Variants in IFNAR1 observed in about 807,000 individuals in gnomAD.
The protein encoded by IFNAR1 is interferon alpha/beta receptor 1.
In IFNAR1, 47 loss-of-function variants were observed where a neutral mutation model predicts 62.1. That is an observed-to-expected ratio of 0.76 (90% CI 0.60 to 0.97). The LOEUF (loss-of-function observed/expected upper bound fraction) is 0.97. Ranked by LOEUF, IFNAR1 falls within the 50% of genes least tolerant of loss-of-function variation. The pLI, the probability that IFNAR1 is intolerant of heterozygous loss-of-function variation, is 0.00. For synonymous variants in IFNAR1, 219 were observed against 226.9 expected (o/e 0.97, Z 0.31); for missense variants, 638 against 654.5 (o/e 0.97, Z 0.27).
rs1302422150 is a variant in IFNAR1, at chr21:33,355,944, A to G, written c.*395A>G. On this transcript the variant is annotated 3_prime_UTR_variant, in exon 11 of 11. Transcript: ENST00000270139. ...GGCAGGAGAATCGCTTGAAAACAGG[A>G]GGTGGAGGTTGCAGTGAGCCGAGAT... The G allele has an allele frequency of 6.5e-6, 1 of 153,610 alleles. No individual in the cohort carries two copies. The highest frequency in any genetic ancestry group is 1.4e-5 in the Non-Finnish European group (1 of 69,076). The allele number at this position is 153,610 out of a possible 1,614,324, so 9.5% of individuals were successfully genotyped here. A position where few individuals can be genotyped will look rare whatever the true frequency, so the allele number is the denominator to read the frequency against.
intron 9 of IFNAR1, 37 bp downstream of exon 9, chr21:33,352,945 T>C (rs373344416): frequency 1.3e-6 from 2 of 1,482,164 alleles, no homozygotes; most frequent in Non-Finnish European, 1.8e-6. Context: ...AAAATGTAGC[T>C]AGACATAATA....
chr21:33,335,584 T>G lies in IFNAR1; in HGVS notation c.137T>G (p.Ile46Ser). ...GTCGACATCATAGATGACAACTTTATCCTGAGGTGGAACAGGAGCGATGAG... is the reference window on the plus strand; with the variant it reads ...GTCGACATCATAGATGACAACTTTAGCCTGAGGTGGAACAGGAGCGATGAG... ...VEVDIIDDNF[I>S]LRWNRSDESV... is the part of the protein sequence containing the mutation. The change falls in exon 2 of 11, where the codon ATC becomes AGC. Residue 46 changes from isoleucine (I) to serine (S), a missense_variant. Physicochemically the swap from Ile to Ser is moderately radical, Grantham distance 142. Transcript: ENST00000270139. 1 of 1,608,792 alleles carries G rather than the reference T, an allele frequency of 6.2e-7. No individual in the cohort carries two copies. Among genetic ancestry groups the G allele is most frequent in the Non-Finnish European group, 8.5e-7 (1 of 1,177,390 alleles).
chr21:33,343,745 A>G, intron 5 of IFNAR1, 69 bp downstream of exon 5: 1 of 1,054,910 alleles, frequency 9.5e-7, no homozygotes, highest in Non-Finnish European at 1.4e-6. Context: ...CATCTTCCCC[A>G]TATTGCTGAA....
intron 1 of IFNAR1, among the ~76,000 whole-genome samples, chr21:33,332,781 T>A (rs924388087): frequency 1.3e-5 from 2 of 152,098 alleles, no homozygotes; most frequent in Non-Finnish European, 2.9e-5. Flanking sequence ...GAAGAAAGAA[T>A]CTCTGAACTT....
intron 1 of IFNAR1, among the ~76,000 whole-genome samples, chr21:33,331,182 C>CCCCACT (rs1230382557): frequency 6.6e-6 from 1 of 152,232 alleles, no homozygotes; most frequent in African/African-American, 2.4e-5. Flanking sequence ...CCTACTCCTA[C>CCCCACT]CCCACTGCCC....
chr21:33,349,432 T>C lies in IFNAR1; in HGVS notation c.1032T>C (p.Asp344=), dbSNP rs755054544. ...PPVFNIRSLS[D]SFHIYIGAPK... ...TCTTTAACATTAGATCCCTTAGTGA[T>C]TCATTCCATATCTATATCGGTGCTC... The change falls in exon 8 of 11, where the codon GAT becomes GAC. Residue 344 remains aspartate, a synonymous_variant. Transcript: ENST00000270139. 1 of 1,611,292 alleles carries C rather than the reference T, an allele frequency of 6.2e-7. No homozygotes were observed. Among genetic ancestry groups the C allele is most frequent in the South Asian group, 1.1e-5 (1 of 90,550 alleles).
intron 5 of IFNAR1, among the ~76,000 whole-genome samples, chr21:33,343,882 G>C (rs1426414874): frequency 6.6e-6 from 1 of 152,230 alleles, no homozygotes; most frequent in African/African-American, 2.4e-5. Flanking sequence ...CAGGCTGGGC[G>C]TAGTGGCCCA....
intron 2 of IFNAR1, among the ~76,000 whole-genome samples, chr21:33,337,726 TAC>T (rs1474472379): frequency 1.3e-5 from 2 of 152,122 alleles, no homozygotes; most frequent in African/African-American, 4.8e-5. Flanking sequence ...TACATACATA[TAC>T]ACACATTGTG....
At chr21:33,343,169 G>A in intron 3 of IFNAR1, 99 bp from the exon 4 acceptor site, 1 of 914,970 alleles carries the variant, frequency 1.1e-6, no homozygotes, top group Non-Finnish European at 1.7e-6. Context: ...ACTCCCAGAA[G>A]TGGCAGGCAC....
chr21:33,346,085 C>A (rs2083342798), intron 6 of IFNAR1, among the ~76,000 whole-genome samples: 1 of 152,130 alleles, frequency 6.6e-6, no homozygotes, highest in African/African-American at 2.4e-5. Context: ...CATAGTGAGA[C>A]CCCCATCTCT....
chr21:33,332,220 A>G (rs1228263005), intron 1 of IFNAR1, among the ~76,000 whole-genome samples: 1 of 152,034 alleles, frequency 6.6e-6, no homozygotes, highest in Non-Finnish European at 1.5e-5. Context: ...AACATTAACA[A>G]CCTACACTAC....
chr21:33,335,320 CTTTT>C (rs1490240970), intron 1 of IFNAR1, among the ~76,000 whole-genome samples, 200 bp from the exon 2 acceptor site: 1 of 152,078 alleles, frequency 6.6e-6, no homozygotes, highest in African/African-American at 2.4e-5. Flanking sequence ...AAAATCAACT[CTTTT>C]TTCAGCTCTC....
At chr21:33,344,290 TAG>T (rs1359002162) in intron 5 of IFNAR1, among the ~76,000 whole-genome samples, 2 of 152,238 alleles carry the variant, frequency 1.3e-5, no homozygotes, top group African/African-American at 4.8e-5. Flanking sequence ...TAGTTGCTAG[TAG>T]ACAAGTTATT....
At chr21:33,325,887 A>G (rs546771357) in intron 1 of IFNAR1, among the ~76,000 whole-genome samples, 1 of 152,198 alleles carries the variant, frequency 6.6e-6, no homozygotes, top group African/African-American at 2.4e-5. Context: ...ACCTGAGAAG[A>G]TAAGCTTGTA....
intron 2 of IFNAR1, among the ~76,000 whole-genome samples, chr21:33,339,886 C>G (rs968785788): frequency 6.7e-6 from 1 of 149,108 alleles, no homozygotes; most frequent in African/African-American, 2.5e-5. Flanking sequence ...CGAGATTGCA[C>G]CACTGCACTC....
rs2083477168 is a variant in IFNAR1, at chr21:33,359,191, T to G, written c.*3642T>G. On this transcript the variant is annotated 3_prime_UTR_variant, in exon 11 of 11. Transcript: ENST00000270139. ...TGTTTTACTGAATTGTAGAAGGACATAACCGTGTTTTCAGTGTTTCTATGG... is the reference window on the plus strand; with the variant it reads ...TGTTTTACTGAATTGTAGAAGGACAGAACCGTGTTTTCAGTGTTTCTATGG... The G allele has an allele frequency of 6.6e-6, 1 of 152,218 alleles. No homozygotes were observed. Among genetic ancestry groups the G allele is most frequent in the South Asian group, 2.1e-4 (1 of 4,836 alleles). 9.4% of individuals were successfully genotyped at this position (152,218 alleles called of 1,614,324 possible).
Position 33,343,531 on chromosome 21 carries a change from A to G in IFNAR1, c.532-4A>G, listed in dbSNP as rs769497872. The G allele has an allele frequency of 6.5e-7, 1 of 1,527,302 alleles. No homozygotes were observed. Among genetic ancestry groups the G allele is most frequent in the Non-Finnish European group, 9.0e-7 (1 of 1,108,186 alleles). 94.6% of individuals were successfully genotyped at this position (1,527,302 alleles called of 1,614,324 possible). On this transcript the variant is annotated splice_region_variant and splice_polypyrimidine_tract_variant and intron_variant, in intron 4 of 10. Coordinates refer to ENST00000270139, the MANE Select transcript of IFNAR1 (RefSeq NM_000629.3). The stretch of plus-strand genomic sequence containing the variant: ...TAAAGAACCAACTTATATTTGTGTT[A>G]TAGGAAAGGATTGAAAATATTTATT...
rs773174020 is a variant in IFNAR1 at position 33,349,217 on chromosome 21, C to T, written c.915C>T (p.Leu305=). The T allele has an allele frequency of 1.9e-6, 3 of 1,613,412 alleles. No homozygotes were observed. The highest frequency in any genetic ancestry group is 2.5e-6 in the Non-Finnish European group (3 of 1,179,644). ...TTTTCCAAAAAGGAATTTACCTTCT[C>T]CGCGTACAAGCATCTGATGGAAATA... ...QNVFQKGIYL[L]RVQASDGNNT... is the part of the protein sequence containing the mutation. Residue 305 remains leucine, a synonymous_variant, in exon 7 of 11, where the codon CTC becomes CTT. Transcript: ENST00000270139.
Position 33,341,032 on chromosome 21 carries a change from G to C in IFNAR1, c.234G>C (p.Gly78=). ...TGGATAATTGGATAAAATTGTCTGG[G>C]TGTCAGAATATTACTAGTACCAAAT... is the stretch of plus-strand genomic sequence containing the variant. ...TGMDNWIKLS[G]CQNITSTKCN... is the part of the protein sequence containing the mutation. Residue 78 remains glycine, a synonymous_variant, in exon 3 of 11, where the codon GGG becomes GGC. Coordinates refer to ENST00000270139, the MANE Select transcript of IFNAR1 (RefSeq NM_000629.3). 1 of 1,611,576 alleles carries C rather than the reference G, an allele frequency of 6.2e-7. No individual in the cohort carries two copies. The highest frequency in any genetic ancestry group is 8.5e-7 in the Non-Finnish European group (1 of 1,178,366).
Sources: gnomAD v4.1 joint callset for allele counts (sites outside exome capture counted in the v4.1 genomes callset) on GRCh38, gnomAD v4.1.1 for gene constraint, MANE v1.5 for transcripts, NCBI Gene and HGNC (gene_info 2026-07-23, HGNC 2026-07-21) for gene names.